Variants in GABRB2 observed in about 807,000 individuals in gnomAD.
GABRB2 encodes the protein gamma-aminobutyric acid type A receptor subunit beta2.
GABRB2 carries 16 observed loss-of-function variants against 54.7 expected under a neutral mutation model. That is an observed-to-expected ratio of 0.29 (90% CI 0.20 to 0.44). The LOEUF is 0.44. Ranked by LOEUF, GABRB2 falls within the 20% of genes least tolerant of loss-of-function variation. The pLI is 1.00. For missense variants in GABRB2, 355 were observed against 644.0 expected (o/e 0.55, Z 4.86); for synonymous variants, 244 against 233.8 (o/e 1.04, Z -0.40).
At position 161,375,763 on chromosome 5, in the gene GABRB2, C is replaced by T. The variant is rs547077059; in HGVS notation, c.541+35212G>A. Among the ~76,000 whole-genome samples the T allele has an allele frequency of 4.6e-3, 699 of 152,250 alleles. 4 individuals are homozygous for T. The highest frequency in any genetic ancestry group is 0.016 in the African/African-American group (675 of 41,556). On this transcript the variant is annotated intron_variant, in intron 5 of 9. Coordinates refer to ENST00000393959, the MANE Select transcript of GABRB2 (RefSeq NM_001371727.1). ...ATCATACGGTTTAAATGAGATAATG[C>T]TTTTAAATAGCCCAGCATTTAAAAA... is the stretch of plus-strand genomic sequence containing the variant.
intron 4 of GABRB2, among the ~76,000 whole-genome samples, chr5:161,457,691 C>T (rs1272968606): frequency 6.6e-6 from 1 of 152,080 alleles, no homozygotes; most frequent in Admixed American, 6.6e-5. Context: ...CGTGATCCGC[C>T]TGTTTTGGCC....
At position 161,546,446 on chromosome 5, in the gene GABRB2, A is replaced by G. The variant is rs375342570; in HGVS notation, c.78-33T>C. 32 of 1,597,996 alleles carry G rather than the reference A, an allele frequency of 2.0e-5. No homozygotes were observed. The East Asian group carries it at 2.9e-4, about 14-fold the overall frequency. On this transcript the variant is annotated intron_variant, in intron 1 of 9. Transcript: ENST00000393959. ...AAGAAATGACAATAAGCAGGCATCA[A>G]TAAGGAAGCAGGCATAGCGTTTTCA...
chr5:161,310,716 T>C (rs1445635333), intron 9 of GABRB2, among the ~76,000 whole-genome samples: 1 of 152,024 alleles, frequency 6.6e-6, no homozygotes, highest in East Asian at 1.9e-4. Flanking sequence ...TTAATATCTT[T>C]TTCAAAAAAT....
chr5:161,310,529 T>C (rs1261157515), intron 9 of GABRB2, among the ~76,000 whole-genome samples: 3 of 152,194 alleles, frequency 2.0e-5, no homozygotes, highest in Non-Finnish European at 2.9e-5. Flanking sequence ...TGATTTTTCA[T>C]AGGCCAGATA....
intron 5 of GABRB2, among the ~76,000 whole-genome samples, chr5:161,364,033 T>C (rs1278342977): frequency 6.6e-6 from 1 of 152,222 alleles, no homozygotes; most frequent in Non-Finnish European, 1.5e-5. Context: ...AAAAATCACA[T>C]AGTATTTTCA....
At chr5:161,428,673 G>T (rs1320567938) in intron 4 of GABRB2, among the ~76,000 whole-genome samples, 3 of 152,158 alleles carry the variant, frequency 2.0e-5, no homozygotes, top group African/African-American at 7.2e-5. Context: ...TCTATTCATA[G>T]ATAGCCTTCA....
intron 5 of GABRB2, among the ~76,000 whole-genome samples, chr5:161,374,979 A>T (rs1755248926): frequency 6.6e-6 from 1 of 152,204 alleles, no homozygotes; most frequent in African/African-American, 2.4e-5. Context: ...TTCCTGCTAG[A>T]CAAAAAGTCA....
chr5:161,311,007 G>A (rs1017582123), intron 9 of GABRB2, among the ~76,000 whole-genome samples: 10 of 151,960 alleles, frequency 6.6e-5, no homozygotes, highest in African/African-American at 1.4e-4. Context: ...TGATCTGCCC[G>A]CCTCGGCCTC....
intron 9 of GABRB2, among the ~76,000 whole-genome samples, chr5:161,310,411 A>G (rs1401318267): frequency 1.3e-5 from 2 of 152,252 alleles, no homozygotes; most frequent in African/African-American, 4.8e-5. Flanking sequence ...AGAAACATGA[A>G]GCCTTGTTGC....
intron 3 of GABRB2, among the ~76,000 whole-genome samples, chr5:161,463,762 A>G (rs1050519143): frequency 2.0e-5 from 3 of 150,942 alleles, no homozygotes; most frequent in African/African-American, 7.3e-5. Flanking sequence ...AGAGTCTAAA[A>G]GTAAACCCAT....
At position 161,294,238 on chromosome 5, in the gene GABRB2, G is replaced by A. The variant is rs952831120; in HGVS notation, c.1382C>T (p.Ala461Val). 6.8e-6 allele frequency: 11 copies of A among 1,613,990 alleles called. No individual in the cohort carries two copies. Among genetic ancestry groups the A allele is most frequent in the African/African-American group, 1.3e-5 (1 of 74,904 alleles). Residue 461 changes from alanine (A) to valine (V), a missense_variant, in exon 10 of 10, where the codon GCG (alanine) becomes GTG (valine). Coordinates refer to ENST00000393959, the MANE Select transcript of GABRB2 (RefSeq NM_001371727.1). ...TCTCCTCAGGCGACTTTTCTTTTGC[G>A]CCACATGTCGTTCCAGAGCATTTCG... is the stretch of plus-strand genomic sequence containing the variant. ...FGRNALERHV[A>V]QKKSRLRRRA...
intron 3 of GABRB2, among the ~76,000 whole-genome samples, chr5:161,497,288 C>T (rs1759281888): frequency 6.6e-6 from 1 of 152,068 alleles, no homozygotes. Context: ...TCTCCCAAAC[C>T]CTGATCTTTA....
intron 4 of GABRB2, among the ~76,000 whole-genome samples, chr5:161,431,173 A>G (rs1011833985): frequency 1.3e-5 from 2 of 152,286 alleles, no homozygotes; most frequent in South Asian, 4.1e-4. Context: ...TATGAAACTT[A>G]GATTAAAATG....
At chr5:161,341,985 T>A (rs867776294) in intron 5 of GABRB2, among the ~76,000 whole-genome samples, 1 of 138,260 alleles carries the variant, frequency 7.2e-6, no homozygotes, top group Non-Finnish European at 1.5e-5. Flanking sequence ...TTTATTATTA[T>A]TTTTTCTAGT....
intron 5 of GABRB2, among the ~76,000 whole-genome samples, chr5:161,385,260 G>A (rs1275652927): frequency 1.3e-5 from 2 of 152,134 alleles, no homozygotes; most frequent in Admixed American, 1.3e-4. Context: ...ATTCCCCACT[G>A]AATTCTAGCA....
At position 161,336,869 on chromosome 5, in the gene GABRB2, T is replaced by C. The variant is rs113714145; in HGVS notation, c.542-100A>G. On this transcript the variant is annotated intron_variant, in intron 5 of 9. Transcript: ENST00000393959. ...AAATACCTGTTTAGAAGATGACCTA[T>C]ATAAATAATATAAAGATATAGCTAA... is the stretch of plus-strand genomic sequence containing the variant. 26,385 of 1,201,480 alleles carry C rather than the reference T, an allele frequency of 0.022. 406 individuals carry two copies. Among genetic ancestry groups the C allele is most frequent in the Middle Eastern group, 0.067 (337 of 4,994 alleles). The allele number at this position is 1,201,480 out of a possible 1,614,324, so 74.4% of individuals were successfully genotyped here. A position where few individuals can be genotyped will look rare whatever the true frequency, so the allele number is the denominator to read the frequency against.
At chr5:161,384,732 T>C (rs1018711839) in intron 5 of GABRB2, among the ~76,000 whole-genome samples, 1 of 152,122 alleles carries the variant, frequency 6.6e-6, no homozygotes, top group Non-Finnish European at 1.5e-5. Flanking sequence ...TAACAACAAA[T>C]GTGAGTATTT....
intron 9 of GABRB2, among the ~76,000 whole-genome samples, chr5:161,315,347 T>C (rs1757991564): frequency 6.6e-6 from 1 of 152,184 alleles, no homozygotes; most frequent in African/African-American, 2.4e-5. Flanking sequence ...TCAGGTGCGA[T>C]TTAGAGAGAA....
At chr5:161,495,952 T>C (rs1365484384) in intron 3 of GABRB2, among the ~76,000 whole-genome samples, 3 of 152,138 alleles carry the variant, frequency 2.0e-5, no homozygotes, top group African/African-American at 7.2e-5. Flanking sequence ...AACTTCACAT[T>C]TGCATCCCCA....
Sources: allele counts gnomAD v4.1 joint callset (sites outside exome capture counted in the v4.1 genomes callset), GRCh38; gene constraint gnomAD v4.1.1; transcripts MANE v1.5; gene names NCBI Gene and HGNC (gene_info 2026-07-23, HGNC 2026-07-21).